CSMD1: variants seen among roughly 807,000 people sequenced by gnomAD.
CSMD1 encodes the protein CUB and Sushi multiple domains 1.
A neutral mutation model predicts 417.5 loss-of-function variants in CSMD1; 213 were observed. That is an observed-to-expected ratio of 0.51 (90% confidence interval 0.46 to 0.57). The LOEUF (loss-of-function observed/expected upper bound fraction) is 0.57. CSMD1 is among the 20% of genes least tolerant of loss of function. The probability of loss-of-function intolerance (pLI) is 0.00; values close to 1 mark genes in which losing one functional copy is unlikely to be tolerated. For synonymous variants in CSMD1, 2,862 were observed against 1,736.8 expected (o/e 1.65, Z -16.11); for missense variants, 6,923 against 4,529.7 (o/e 1.53, Z -15.17).
intron 3 of CSMD1, among the ~76,000 whole-genome samples, chr8:4,373,558 C>G (rs1401580587): frequency 6.6e-6 from 1 of 152,212 alleles, no homozygotes; most frequent in African/African-American, 2.4e-5. Context: ...ACGTACTCAA[C>G]TCTTATCATT....
At chr8:3,591,516 G>A (rs114966986) in intron 8 of CSMD1, among the ~76,000 whole-genome samples, 2,565 of 152,180 alleles carry the variant, frequency 0.017, 75 homozygotes, top group African/African-American at 0.057. Flanking sequence ...GAGGTGACTC[G>A]AAGATTAAAC....
intron 43 of CSMD1, among the ~76,000 whole-genome samples, chr8:3,109,524 C>T (rs950831852): frequency 6.6e-6 from 1 of 152,140 alleles, no homozygotes; most frequent in Non-Finnish European, 1.5e-5. Flanking sequence ...CTTTCTTGCC[C>T]TCTGCTACTT....
At chr8:4,351,264 A>G (rs1801075692) in intron 3 of CSMD1, among the ~76,000 whole-genome samples, 1 of 152,252 alleles carries the variant, frequency 6.6e-6, no homozygotes, top group Non-Finnish European at 1.5e-5. Flanking sequence ...TCTAAGAAGT[A>G]AACATTAGAA....
At chr8:4,595,387 C>CTTTTTTTT in intron 2 of CSMD1, among the ~76,000 whole-genome samples, 19 of 147,340 alleles carry the variant, frequency 1.3e-4, no homozygotes, top group South Asian at 4.4e-4. Flanking sequence ...CATTCATTTT[C>CTTTTTTTT]ATTCCATCCA....
At position 4,109,944 on chromosome 8, in the gene CSMD1, T is replaced by C. The variant is rs1182323843; in HGVS notation, c.416-77845A>G. 3.9e-5 allele frequency among the ~76,000 whole-genome samples: 6 copies of C among 152,204 alleles called. No individual in the cohort carries two copies. The South Asian group carries it at 6.2e-4, about 16-fold the overall frequency. ...GAAAATGAAATAAGATCATGACAAT[T>C]TGGTGAATAATACTCTATGAAAAAG... On this transcript the variant is annotated intron_variant, in intron 3 of 69. Transcript: ENST00000635120.
At chr8:4,594,179 T>C (rs1234958590) in intron 2 of CSMD1, among the ~76,000 whole-genome samples, 1 of 146,480 alleles carries the variant, frequency 6.8e-6, no homozygotes, top group Non-Finnish European at 1.5e-5. Context: ...TTTAACTTGA[T>C]TAATTCTAAA....
chr8:4,419,168 C>A (rs1326652150), intron 3 of CSMD1, among the ~76,000 whole-genome samples: 3 of 152,128 alleles, frequency 2.0e-5, no homozygotes, highest in East Asian at 1.9e-4. Flanking sequence ...TTGGTTTACA[C>A]CCCTAACGAT....
chr8:2,964,037 C>G (rs1233234003), intron 59 of CSMD1, among the ~76,000 whole-genome samples: 4 of 152,194 alleles, frequency 2.6e-5, no homozygotes, highest in African/African-American at 9.6e-5. Flanking sequence ...ACCTTCCCCA[C>G]TCTAGAAATT....
At chr8:4,298,249 T>C (rs1797792561) in intron 3 of CSMD1, among the ~76,000 whole-genome samples, 1 of 152,188 alleles carries the variant, frequency 6.6e-6, no homozygotes, top group South Asian at 2.1e-4. Flanking sequence ...CAATTAAAAC[T>C]AAAAACACAT....
At chr8:4,627,531 T>C (rs1414908083) in intron 2 of CSMD1, among the ~76,000 whole-genome samples, 1 of 152,200 alleles carries the variant, frequency 6.6e-6, no homozygotes, top group Non-Finnish European at 1.5e-5. Flanking sequence ...AACTATTTCA[T>C]TTCCTTTTGA....
intron 2 of CSMD1, among the ~76,000 whole-genome samples, chr8:4,447,748 G>C (rs776739070): frequency 6.6e-6 from 1 of 152,078 alleles, no homozygotes; most frequent in Admixed American, 6.5e-5. Flanking sequence ...TAAGATTTAA[G>C]ACTCTTTTGC....
At chr8:4,847,091 C>T (rs1001170429) in intron 1 of CSMD1, among the ~76,000 whole-genome samples, 6 of 152,100 alleles carry the variant, frequency 3.9e-5, no homozygotes, top group African/African-American at 1.4e-4. Flanking sequence ...CCACGCTCTG[C>T]TCGTGTATCA....
chr8:3,979,580 G>C (rs961076483), intron 5 of CSMD1, among the ~76,000 whole-genome samples: 1 of 152,152 alleles, frequency 6.6e-6, no homozygotes, highest in African/African-American at 2.4e-5. Flanking sequence ...AGGAAGATGG[G>C]ATCATGAGGA....
intron 1 of CSMD1, among the ~76,000 whole-genome samples, chr8:4,928,518 G>A (rs896963513): frequency 6.6e-6 from 1 of 152,138 alleles, no homozygotes; most frequent in Admixed American, 6.5e-5. Context: ...TGGCCCTCCT[G>A]AACTTCAGCT....
intron 6 of CSMD1, among the ~76,000 whole-genome samples, chr8:3,730,521 T>C (rs1175207750): frequency 6.6e-6 from 1 of 152,046 alleles, no homozygotes. Flanking sequence ...CCCAGGTTAG[T>C]GGTAGGGATC....
At chr8:2,949,262 G>A in intron 68 of CSMD1, 37 bp downstream of exon 68, 1 of 1,169,246 alleles carries the variant, frequency 8.6e-7, no homozygotes, top group Non-Finnish European at 1.3e-6. Context: ...AAGCCAAACT[G>A]ATATTTGCTT....
At chr8:3,381,055 G>A (rs957388237) in intron 18 of CSMD1, among the ~76,000 whole-genome samples, 2 of 152,016 alleles carry the variant, frequency 1.3e-5, no homozygotes, top group African/African-American at 2.4e-5. Context: ...AATGAGTCAG[G>A]CAAAGTCTCT....
intron 12 of CSMD1, among the ~76,000 whole-genome samples, chr8:3,429,741 T>G (rs532357759): frequency 6.6e-6 from 1 of 152,338 alleles, no homozygotes; most frequent in African/African-American, 2.4e-5. Context: ...AGCGTAAAAT[T>G]TTCTATGAAA....
At chr8:4,777,201 A>G (rs1255819495) in intron 1 of CSMD1, among the ~76,000 whole-genome samples, 1 of 152,184 alleles carries the variant, frequency 6.6e-6, no homozygotes, top group Non-Finnish European at 1.5e-5. Flanking sequence ...TTGTTATTTT[A>G]CCAAAGACAG....
Sources: gnomAD v4.1 joint callset for allele counts (sites outside exome capture counted in the v4.1 genomes callset) on GRCh38, gnomAD v4.1.1 for gene constraint, MANE v1.5 for transcripts, NCBI Gene and HGNC (gene_info 2026-07-23, HGNC 2026-07-21) for gene names.